ZEB1: variants seen among roughly 807,000 people sequenced by gnomAD.
ZEB1 encodes zinc finger E-box binding homeobox 1.
In ZEB1, 21 loss-of-function variants were observed where a neutral mutation model predicts 84.9. The ratio of observed to expected loss-of-function variants is 0.25; its 90% CI spans 0.18 to 0.36. The LOEUF (loss-of-function observed/expected upper bound fraction) is 0.36. Ranked by LOEUF, ZEB1 falls within the 10% of genes least tolerant of loss-of-function variation. ZEB1 has a pLI of 1.00. For missense variants in ZEB1, 1,104 were observed against 1,330.2 expected, an observed-to-expected ratio of 0.83 and a Z score of 2.65; for synonymous variants, 420 against 471.1, an observed-to-expected ratio of 0.89 and a Z score of 1.41.
At chr10:31,345,552 C>T (rs1382890718) in intron 1 of ZEB1, among the ~76,000 whole-genome samples, 1 of 152,106 alleles carries the variant, frequency 6.6e-6, no homozygotes, top group Admixed American at 6.6e-5. Context: ...ACCAAATCAA[C>T]TGCTAACACC....
chr10:31,349,441 G>C (rs1443876541), intron 1 of ZEB1, among the ~76,000 whole-genome samples: 1 of 152,086 alleles, frequency 6.6e-6, no homozygotes, highest in Non-Finnish European at 1.5e-5. Context: ...ATAACTATTG[G>C]TGAGACTGGT....
At chr10:31,352,127 A>G (rs530700584) in intron 1 of ZEB1, among the ~76,000 whole-genome samples, 1 of 152,220 alleles carries the variant, frequency 6.6e-6, no homozygotes, top group East Asian at 1.9e-4. Flanking sequence ...TCTGTTACCT[A>G]TTTGCCTTTC....
chr10:31,390,400 A>G (rs2049415495), intron 1 of ZEB1, among the ~76,000 whole-genome samples: 1 of 152,178 alleles, frequency 6.6e-6, no homozygotes, highest in Admixed American at 6.6e-5. Flanking sequence ...ATGACCTAGT[A>G]TGTTTAAGAC....
chr10:31,365,264 A>C (rs1322373302), intron 1 of ZEB1, among the ~76,000 whole-genome samples: 1 of 152,222 alleles, frequency 6.6e-6, no homozygotes, highest in East Asian at 1.9e-4. Context: ...CATTGTGAGC[A>C]TGCCAGCTTG....
At chr10:31,379,447 G>A (rs1003135491) in intron 1 of ZEB1, among the ~76,000 whole-genome samples, 2 of 151,426 alleles carry the variant, frequency 1.3e-5, no homozygotes, top group African/African-American at 2.4e-5. Context: ...CTCTCTGTGT[G>A]TGTATATATA....
At chr10:31,319,059 A>C, upstream of ZEB1, 5 of 628,818 alleles carry the variant, frequency 8.0e-6, no homozygotes, top group Non-Finnish European at 8.8e-6. Flanking sequence ...CCTAGCAACA[A>C]GGTTCCGGCC....
intron 1 of ZEB1, among the ~76,000 whole-genome samples, chr10:31,440,035 G>T (rs145555196): frequency 6.6e-6 from 1 of 152,286 alleles, no homozygotes; most frequent in Non-Finnish European, 1.5e-5. Flanking sequence ...AGAGATGATG[G>T]TACCATCAGG....
rs577409262 is a variant in ZEB1, at chr10:31,381,726, T to C, written c.58+62434T>C. 9 of 152,132 alleles carry C rather than the reference T, an allele frequency of 5.9e-5. No individual in the cohort carries two copies. In the East Asian group the frequency reaches 1.7e-3, roughly 29 times the overall value. The allele number at this position is 152,132 out of a possible 1,614,324, so 9.4% of individuals were successfully genotyped here. A position where few individuals can be genotyped will look rare whatever the true frequency, so the allele number is the denominator to read the frequency against. ...CTGTTGGAGATTTAAGTATACATTT[T>C]CTGGCCAGGCCCAGTGGCTCACGCT... is the stretch of plus-strand genomic sequence containing the variant. On this transcript the variant is annotated intron_variant, in intron 1 of 8. Coordinates refer to ENST00000424869, the MANE Select transcript of ZEB1 (RefSeq NM_001174096.2).
chr10:31,363,788 G>C (rs2043870303), intron 1 of ZEB1: 1 of 1,318,556 alleles, frequency 7.6e-7, no homozygotes, highest in Admixed American at 2.0e-5. Flanking sequence ...ACCCTCTGTG[G>C]GGTGCCCGTG....
At chr10:31,526,435 C>T (rs1160058468) in intron 8 of ZEB1, among the ~76,000 whole-genome samples, 1 of 152,166 alleles carries the variant, frequency 6.6e-6, no homozygotes, top group Admixed American at 6.5e-5. Flanking sequence ...ATTTCAATGT[C>T]ATGTAGCTCC....
At position 31,378,811 on chromosome 10, in the gene ZEB1, A is replaced by G. The variant is rs745517478; in HGVS notation, c.58+59519A>G. Among the ~76,000 whole-genome samples, 3 of 152,078 alleles carry G rather than the reference A, an allele frequency of 2.0e-5. No homozygotes were observed. In the South Asian group the frequency reaches 6.2e-4, roughly 31 times the overall value. The stretch of plus-strand genomic sequence containing the variant: ...CATCTTACACTGTAACATACTTTGT[A>G]TAAGAGGGGATACATGATAACCACT... On this transcript the variant is annotated intron_variant, in intron 1 of 8. Coordinates refer to ENST00000424869, the MANE Select transcript of ZEB1 (RefSeq NM_001174096.2).
chr10:31,461,307 AG>A, intron 2 of ZEB1, 70 bp downstream of exon 2: 1 of 1,452,358 alleles, frequency 6.9e-7, no homozygotes, highest in African/African-American at 1.4e-5. Context: ...TTAACTGAAA[AG>A]ATAAATTGGA....
chr10:31,490,731 C>T (rs1180651758), intron 2 of ZEB1, among the ~76,000 whole-genome samples: 1 of 151,622 alleles, frequency 6.6e-6, no homozygotes, highest in Non-Finnish European at 1.5e-5. Flanking sequence ...TCTGATTCTT[C>T]ACATGCCAAG....
chr10:31,406,367 C>G (rs1156689182), intron 1 of ZEB1, among the ~76,000 whole-genome samples: 1 of 151,954 alleles, frequency 6.6e-6, no homozygotes, highest in Non-Finnish European at 1.5e-5. Context: ...TGTTTCCTGA[C>G]TTTTTAATGA....
chr10:31,485,329 A>T (rs1360447355), intron 2 of ZEB1, among the ~76,000 whole-genome samples: 4 of 151,886 alleles, frequency 2.6e-5, no homozygotes, highest in Non-Finnish European at 2.9e-5. Context: ...CTCTAGTCGT[A>T]TACATGTGGA....
chr10:31,472,263 T>G (rs1359815180), intron 2 of ZEB1, among the ~76,000 whole-genome samples: 4 of 151,952 alleles, frequency 2.6e-5, no homozygotes, highest in South Asian at 2.1e-4. Context: ...AAAAATTAAT[T>G]AATCCCAGAG....
At chr10:31,525,373 C>T (rs2073228273) in intron 8 of ZEB1, among the ~76,000 whole-genome samples, 1 of 152,150 alleles carries the variant, frequency 6.6e-6, no homozygotes, top group African/African-American at 2.4e-5. Flanking sequence ...TGGGGAAGCC[C>T]TGATTTGTAG....
In ZEB1 at chr10:31,446,335, C is replaced by T. The variant is rs1008850205; in HGVS notation, c.59-14702C>T. The stretch of plus-strand genomic sequence containing the variant: ...TTTATTAGTCTTGCTAGTGGTCTAT[C>T]AATTTTGTTGATCCTTTCAAAAAAC... On this transcript the variant is annotated intron_variant, in intron 1 of 8. Coordinates refer to ENST00000424869, the MANE Select transcript of ZEB1 (RefSeq NM_001174096.2). Among the ~76,000 whole-genome samples the T allele has an allele frequency of 2.0e-5, 3 of 151,962 alleles. No individual in the cohort carries two copies. In the East Asian group the frequency reaches 5.8e-4, roughly 29 times the overall value.
At chr10:31,469,500 C>T (rs2062897174) in intron 2 of ZEB1, among the ~76,000 whole-genome samples, 1 of 152,230 alleles carries the variant, frequency 6.6e-6, no homozygotes, top group African/African-American at 2.4e-5. Context: ...TTGCGCTTTT[C>T]TGACGGGCTT....
Sources: allele counts gnomAD v4.1 joint callset (sites outside exome capture counted in the v4.1 genomes callset), GRCh38; gene constraint gnomAD v4.1.1; transcripts MANE v1.5; gene names NCBI Gene and HGNC (gene_info 2026-07-23, HGNC 2026-07-21).